Variants in ECSIT observed in about 807,000 individuals in gnomAD.
The protein encoded by ECSIT is ECSIT signaling integrator, also known as evolutionarily conserved signaling intermediate in Toll pathway, mitochondrial.
ECSIT carries 29 observed loss-of-function variants against 36.8 expected under a neutral mutation model. The observed-to-expected ratio is 0.79, with a 90% confidence interval of 0.59 to 1.08. The LOEUF is 1.08. Among genes scored for constraint, ECSIT ranks in the 50% least tolerant of loss-of-function variants. The pLI is 0.00. For synonymous variants in ECSIT, 231 were observed against 234.8 expected (o/e 0.98, Z 0.15); for missense variants, 542 against 581.0 (o/e 0.93, Z 0.69).
rs1414192731 is a variant in ECSIT at position 11,507,546 on chromosome 19, G to A, written c.962C>T (p.Pro321Leu). 3.7e-6 allele frequency: 6 copies of A among 1,614,012 alleles called. No individual in the cohort carries two copies. The highest frequency in any genetic ancestry group is 1.7e-5 in the Admixed American group (1 of 60,004). The change falls in exon 7 of 8, where the codon CCG becomes CTG. Residue 321 changes from proline to leucine, a missense_variant. Pro to Leu is a moderately conservative substitution (Grantham distance 98). Coordinates refer to ENST00000270517, the MANE Select transcript of ECSIT (RefSeq NM_016581.5). ...CGGGTAGTAGAGGTTCCACTCCTCC[G>A]GCGTCTCTTCCACTTCCTACTCCAA... ...PPEEREVEETPEEWNLYYPMQ... is the reference protein window; with the variant it reads ...PPEEREVEETLEEWNLYYPMQ...
intron 1 of ECSIT, chr19:11,523,567 G>T: frequency 9.6e-7 from 1 of 1,043,632 alleles, no homozygotes. Context: ...CCTTAGACAA[G>T]CGCCAAGCCC....
At chr19:11,506,966 C>A (rs778320762) in intron 7 of ECSIT, among the ~76,000 whole-genome samples, 1 of 152,212 alleles carries the variant, frequency 6.6e-6, no homozygotes, top group African/African-American at 2.4e-5. Context: ...CCTGACCCCC[C>A]ACTCAAGGCA....
At position 11,513,678 on chromosome 19, in the gene ECSIT, G is replaced by C. The variant is rs532984291; in HGVS notation, c.514+126C>G. ...GATGAGTGATGAAAAGAGGGATTCGGAGAGGGAGAAGAGCGAGAGAGACAG... is the reference window on the plus strand; with the variant it reads ...GATGAGTGATGAAAAGAGGGATTCGCAGAGGGAGAAGAGCGAGAGAGACAG... On this transcript the variant is annotated intron_variant, in intron 3 of 7. Coordinates refer to ENST00000270517, the MANE Select transcript of ECSIT (RefSeq NM_016581.5). The C allele has an allele frequency of 1.2e-5, 14 of 1,177,670 alleles. No individual in the cohort carries two copies. In the African/African-American group the frequency reaches 2.1e-4, roughly 18 times the overall value. 73.0% of individuals were successfully genotyped at this position (1,177,670 alleles called of 1,614,324 possible). A position where few individuals can be genotyped will look rare whatever the true frequency, so the allele number is the denominator to read the frequency against.
chr19:11,508,399 T>TTTTTTTTTTTTTA (rs1971803181), intron 4 of ECSIT, among the ~76,000 whole-genome samples: 1 of 150,878 alleles, frequency 6.6e-6, no homozygotes, highest in African/African-American at 2.5e-5. Flanking sequence ...TTTTTTTTTT[T>TTTTTTTTTTTTTA]AGGGATGGGG....
Position 11,514,225 on chromosome 19 carries a change from G to A in ECSIT, c.97-4C>T. On this transcript the variant is annotated splice_region_variant and splice_polypyrimidine_tract_variant and intron_variant, in intron 2 of 7. Coordinates refer to ENST00000270517, the MANE Select transcript of ECSIT (RefSeq NM_016581.5). ...CCCGAGGGAGCCGGCGAGGGACCTG[G>A]GGAGGGAGGAGAACTGCTGGAATCT... 3 of 1,597,320 alleles carry A rather than the reference G, an allele frequency of 1.9e-6. No individual in the cohort carries two copies. Among genetic ancestry groups the A allele is most frequent in the Non-Finnish European group, 2.6e-6 (3 of 1,172,268 alleles).
At position 11,519,078 on chromosome 19, in the gene ECSIT, A is replaced by T. The variant is rs1372400354; in HGVS notation, c.93T>A (p.Ser31=). The T allele has an allele frequency of 6.4e-7, 1 of 1,551,344 alleles. No homozygotes were observed. Among genetic ancestry groups the T allele is most frequent in the South Asian group, 1.2e-5 (1 of 84,044 alleles). ...CGAALTGTSI[S]QVPRRLPRGL... ...AGACTGCCTGGCTGGTGCTTACCTG[A>T]GAGATGGAGGTTCCTGTGAGGGCGG... The change falls in exon 2 of 8, where the codon TCT becomes TCA. Residue 31 remains serine, a synonymous_variant. Coordinates refer to ENST00000270517, the MANE Select transcript of ECSIT (RefSeq NM_016581.5). This position sits in a 1 kb window ranked among gnomAD's most constrained non-coding sequence, Gnocchi z 4.4.
intron 1 of ECSIT, among the ~76,000 whole-genome samples, chr19:11,525,191 T>C (rs933697433): frequency 6.6e-6 from 1 of 151,624 alleles, no homozygotes; most frequent in African/African-American, 2.4e-5. Context: ...GACTTTCATA[T>C]GCACCTAGGA....
chr19:11,506,047 G>A lies in ECSIT; in HGVS notation c.*137C>T. The A allele has an allele frequency of 7.2e-7, 1 of 1,396,952 alleles. No individual in the cohort carries two copies. The allele number at this position is 1,396,952 out of a possible 1,614,324, so 86.5% of individuals were successfully genotyped here. A position where few individuals can be genotyped will look rare whatever the true frequency, so the allele number is the denominator to read the frequency against. On this transcript the variant is annotated 3_prime_UTR_variant, in exon 8 of 8. Transcript: ENST00000270517. ...CTGGCAGCCCGAGATCCTGGGGAGG[G>A]GATGCCATACTGCTAGAGATGAGGG... is the stretch of plus-strand genomic sequence containing the variant.
chr19:11,522,786 A>G (rs1972132343), intron 1 of ECSIT, among the ~76,000 whole-genome samples: 2 of 152,082 alleles, frequency 1.3e-5, no homozygotes, highest in Admixed American at 1.3e-4. Context: ...TAAAAAGAAA[A>G]AAGGTCGGGC....
intron 1 of ECSIT, among the ~76,000 whole-genome samples, chr19:11,521,476 A>G (rs1179141885): frequency 6.6e-6 from 1 of 150,400 alleles, no homozygotes; most frequent in East Asian, 1.9e-4. Context: ...TTTTTTCAGT[A>G]AAAGTTATGG....
At chr19:11,525,472 C>T (rs1392938249) in intron 1 of ECSIT, among the ~76,000 whole-genome samples, 1 of 151,590 alleles carries the variant, frequency 6.6e-6, no homozygotes, top group African/African-American at 2.4e-5. Flanking sequence ...AAGTTCATGC[C>T]ACACACTCCA....
chr19:11,515,295 G>A (rs964845195), intron 2 of ECSIT, among the ~76,000 whole-genome samples: 23 of 149,410 alleles, frequency 1.5e-4, no homozygotes, highest in East Asian at 2.0e-4. Context: ...AGTAGAGACG[G>A]GGTTTCACTG....
chr19:11,507,273 G>A (rs1370035135), intron 7 of ECSIT, among the ~76,000 whole-genome samples, 184 bp downstream of exon 7: 1 of 149,488 alleles, frequency 6.7e-6, no homozygotes, highest in Admixed American at 6.6e-5. Context: ...TGCCTGTCCA[G>A]GTTTTTGCCT....
chr19:11,513,601 AGAGG>A (rs1971920070), intron 3 of ECSIT, among the ~76,000 whole-genome samples, 199 bp downstream of exon 3: 2 of 85,196 alleles, frequency 2.3e-5, no homozygotes, highest in East Asian at 4.3e-4. Context: ...TGGGGGGAGG[AGAGG>A]GAGGGAGGGG....
chr19:11,507,929 GAGAACCTGGCAGGGCCTGGGTAAGGTT>G, intron 5 of ECSIT, 35 bp downstream of exon 5: 1 of 1,613,910 alleles, frequency 6.2e-7, no homozygotes, highest in Non-Finnish European at 8.5e-7. Context: ...TAGGCCCAGC[GAGAACCTGGCAGGGCCTGGGTAAGGTT>G]AGAGACTTGG....
At chr19:11,507,353 T>A in intron 7 of ECSIT, 104 bp downstream of exon 7, 2 of 888,456 alleles carry the variant, frequency 2.3e-6, no homozygotes, top group Non-Finnish European at 3.7e-6. Context: ...AATAGTTCAC[T>A]GCAACCTCAA....
intron 4 of ECSIT, chr19:11,510,628 G>C (rs1435637731): frequency 6.6e-6 from 1 of 152,220 alleles, no homozygotes; most frequent in Admixed American, 6.5e-5. Context: ...TCTGGGGAGG[G>C]AGACGGGCGG....
In ECSIT at chr19:11,506,224, T is replaced by C; in HGVS notation, c.1256A>G (p.Glu419Gly). 6.2e-7 allele frequency: 1 copy of C among 1,608,582 alleles called. No individual in the cohort carries two copies. Among genetic ancestry groups the C allele is most frequent in the Non-Finnish European group, 8.5e-7 (1 of 1,179,916 alleles). Reference protein sequence around the residue: ...EPPLPEDHQEEDDNLQRQQQG... With the variant: ...EPPLPEDHQEGDDNLQRQQQG... ...CTGCTGTCGCTGCAGGTTGTCGTCTTCTTCCTGGTGGTCCTCGGGCAGGGG... is the reference window on the plus strand; with the variant it reads ...CTGCTGTCGCTGCAGGTTGTCGTCTCCTTCCTGGTGGTCCTCGGGCAGGGG... The change falls in exon 8 of 8, where the codon GAA becomes GGA. Residue 419 changes from glutamate (E) to glycine (G), a missense_variant. Glu to Gly is a moderately conservative substitution (Grantham distance 98). Coordinates refer to ENST00000270517, the MANE Select transcript of ECSIT (RefSeq NM_016581.5).
intron 3 of ECSIT, among the ~76,000 whole-genome samples, chr19:11,513,546 A>C (rs1428683522): frequency 7.5e-6 from 1 of 133,408 alleles, no homozygotes; most frequent in Non-Finnish European, 1.6e-5. Flanking sequence ...GAGAGGAAGG[A>C]AGGGAGGGAG....
Sources: gnomAD v4.1 joint callset for allele counts (sites outside exome capture counted in the v4.1 genomes callset) on GRCh38, gnomAD v4.1.1 for gene constraint, Gnocchi (gnomAD v3.1) non-coding constraint, MANE v1.5 for transcripts, NCBI Gene and HGNC (gene_info 2026-07-23, HGNC 2026-07-21) for gene names.